SAMD12: variants seen among roughly 807,000 people sequenced by gnomAD.
SAMD12 encodes sterile alpha motif domain-containing protein 12.
Under a neutral mutation model 15.0 loss-of-function variants are expected in SAMD12, and 9 were observed. The observed-to-expected ratio is 0.60, with a 90% CI of 0.36 to 1.05. The LOEUF is 1.05. SAMD12 is among the 50% of genes least tolerant of loss of function. SAMD12 has a pLI of 0.01. For missense variants in SAMD12, 230 were observed against 234.2 expected (o/e 0.98, Z 0.12); for synonymous variants, 86 against 90.1 (o/e 0.96, Z 0.25).
At chr8:118,269,948 A>G (rs1813308101) in intron 4 of SAMD12, among the ~76,000 whole-genome samples, 1 of 152,164 alleles carries the variant, frequency 6.6e-6, no homozygotes, top group Admixed American at 6.6e-5. Context: ...CATCTGTGCA[A>G]TGGGAGTTGT....
Position 118,386,990 on chromosome 8 carries a change from C to G in SAMD12, c.323-7290G>C, listed in dbSNP as rs547973922. On this transcript the variant is annotated intron_variant, in intron 3 of 3. Transcript: ENST00000314727. ...CCAGAAATAGATCATTGGACAGTTCCCCAAATAAATGGCCCTTTGTGCACT... is the reference window on the plus strand; with the variant it reads ...CCAGAAATAGATCATTGGACAGTTCGCCAAATAAATGGCCCTTTGTGCACT... Among the ~76,000 whole-genome samples the G allele has an allele frequency of 1.5e-3, 234 of 152,206 alleles. 8 individuals carry two copies. In the South Asian group the frequency reaches 0.047, roughly 30 times the overall value.
intron 2 of SAMD12, among the ~76,000 whole-genome samples, chr8:118,553,942 T>C (rs985487868): frequency 6.6e-6 from 1 of 151,962 alleles, no homozygotes; most frequent in African/African-American, 2.4e-5. Context: ...ATGCTCACCA[T>C]CACTGGCCAT....
chr8:118,617,592 C>T (rs544403635), intron 1 of SAMD12, among the ~76,000 whole-genome samples: 1 of 152,200 alleles, frequency 6.6e-6, no homozygotes, highest in East Asian at 1.9e-4. Flanking sequence ...ATGAGAGGTG[C>T]TATTCTGTTA....
At chr8:118,280,491 G>A (rs1813595306) in intron 4 of SAMD12, among the ~76,000 whole-genome samples, 1 of 152,076 alleles carries the variant, frequency 6.6e-6, no homozygotes, top group Non-Finnish European at 1.5e-5. Flanking sequence ...ATAGAAATAT[G>A]GCGAAGGTGG....
chr8:118,424,303 C>G (rs1236645199), intron 3 of SAMD12, among the ~76,000 whole-genome samples: 3 of 152,182 alleles, frequency 2.0e-5, no homozygotes, highest in Admixed American at 6.5e-5. Flanking sequence ...TGCTTTCTCA[C>G]AAACTTTGAT....
chr8:118,554,476 T>C (rs1349278892), intron 2 of SAMD12, among the ~76,000 whole-genome samples: 1 of 142,596 alleles, frequency 7.0e-6, no homozygotes, highest in Non-Finnish European at 1.5e-5. Flanking sequence ...AGGTGGGAAT[T>C]GAACAATGAG....
chr8:118,260,295 T>C (rs1303840991), intron 4 of SAMD12, among the ~76,000 whole-genome samples: 1 of 152,106 alleles, frequency 6.6e-6, no homozygotes, highest in East Asian at 1.9e-4. Flanking sequence ...TTCCTCCTTC[T>C]CCCATCAGCA....
chr8:118,494,110 C>T (rs1374516324), intron 2 of SAMD12, among the ~76,000 whole-genome samples: 1 of 152,132 alleles, frequency 6.6e-6, no homozygotes, highest in African/African-American at 2.4e-5. Context: ...GAGACAGGAG[C>T]ATCAGAGCAG....
chr8:118,180,759 G>A, the SAMD12 span, among the ~76,000 whole-genome samples: 106,449 of 151,926 alleles, frequency 0.7, 37,437 homozygotes, highest in Middle Eastern at 0.75. Flanking sequence ...ATAGAGTTTC[G>A]TCAAGTTGCC....
At chr8:118,245,061 G>A (rs959636468) in intron 4 of SAMD12, among the ~76,000 whole-genome samples, 2 of 152,074 alleles carry the variant, frequency 1.3e-5, no homozygotes, top group Admixed American at 6.6e-5. Flanking sequence ...AATACTTAAG[G>A]CTTCTTTGAA....
At chr8:118,165,635 T>TATATATAC in the SAMD12 span, among the ~76,000 whole-genome samples, 2 of 129,430 alleles carry the variant, frequency 1.5e-5, no homozygotes, top group African/African-American at 5.6e-5. Context: ...TATATATATA[T>TATATATAC]ACATATATAT....
At chr8:118,201,651 C>G (rs1406535881) in intron 4 of SAMD12, among the ~76,000 whole-genome samples, 1 of 152,148 alleles carries the variant, frequency 6.6e-6, no homozygotes, top group Non-Finnish European at 1.5e-5. Context: ...CTTTGTTTCT[C>G]TGTTTAATTC....
chr8:118,331,131 C>T (rs2130498460), intron 4 of SAMD12, among the ~76,000 whole-genome samples: 1 of 152,102 alleles, frequency 6.6e-6, no homozygotes, highest in Non-Finnish European at 1.5e-5. Flanking sequence ...GGTTTAGTAA[C>T]TCAAAAGGTC....
intron 4 of SAMD12, among the ~76,000 whole-genome samples, chr8:118,340,741 C>A (rs1431385073): frequency 6.6e-6 from 1 of 152,082 alleles, no homozygotes; most frequent in Non-Finnish European, 1.5e-5. Context: ...TGCGCTCCAG[C>A]CTGGGCGACA....
chr8:118,295,845 A>G (rs1814681210), intron 4 of SAMD12, among the ~76,000 whole-genome samples: 1 of 152,014 alleles, frequency 6.6e-6, no homozygotes, highest in African/African-American at 2.4e-5. Flanking sequence ...AAGTTTCACA[A>G]TATAGACCAG....
intron 2 of SAMD12, among the ~76,000 whole-genome samples, chr8:118,457,615 C>T (rs1586733053): frequency 6.6e-6 from 1 of 152,072 alleles, no homozygotes; most frequent in Admixed American, 6.6e-5. Context: ...CACTCAGACC[C>T]ACAGGAAAGC....
intron 3 of SAMD12, among the ~76,000 whole-genome samples, chr8:118,399,008 C>G (rs972626616): frequency 6.6e-6 from 1 of 152,006 alleles, no homozygotes; most frequent in Admixed American, 6.6e-5. Flanking sequence ...CTCAGCCTCC[C>G]GAGTAGCTGA....
intron 2 of SAMD12, among the ~76,000 whole-genome samples, chr8:118,530,906 A>G (rs1273089717): frequency 2.6e-5 from 4 of 152,172 alleles, no homozygotes; most frequent in African/African-American, 9.7e-5. Flanking sequence ...CAGTGATGCA[A>G]TCATAGCACA....
At position 118,532,145 on chromosome 8, in the gene SAMD12, G is replaced by A. The variant is rs1825706927; in HGVS notation, c.192+48570C>T. Among the ~76,000 whole-genome samples the A allele has an allele frequency of 2.0e-5, 3 of 151,236 alleles. 1 individual carries two copies. The highest frequency in any genetic ancestry group is 2.0e-4 in the Admixed American group (3 of 15,160). On this transcript the variant is annotated intron_variant, in intron 2 of 3. Coordinates refer to ENST00000314727, the MANE Select transcript of SAMD12 (RefSeq NM_207506.3). ...GAGAGTTTTTAGCGTGACTTTTGTTGAAATTTGTTGAATTTTGTCAAAGGC... is the reference window on the plus strand; with the variant it reads ...GAGAGTTTTTAGCGTGACTTTTGTTAAAATTTGTTGAATTTTGTCAAAGGC...
Sources: allele counts gnomAD v4.1 joint callset (sites outside exome capture counted in the v4.1 genomes callset), GRCh38; gene constraint gnomAD v4.1.1; transcripts MANE v1.5; gene names NCBI Gene and HGNC (gene_info 2026-07-23, HGNC 2026-07-21).